Variants in SNAP47 observed in about 807,000 individuals in gnomAD.
SNAP47 encodes the protein synaptosome associated protein 47, also known as synaptosomal-associated protein 47.
A neutral mutation model predicts 31.4 loss-of-function variants in SNAP47; 20 were observed. The ratio of observed to expected loss-of-function variants is 0.64; its 90% CI spans 0.45 to 0.93. SNAP47 has a LOEUF of 0.93. Ranked by LOEUF, SNAP47 falls within the 40% of genes least tolerant of loss-of-function variation. SNAP47 has a pLI of 0.00. For missense variants in SNAP47, 492 were observed against 528.5 expected (o/e 0.93, Z 0.68); for synonymous variants, 194 against 213.4 (o/e 0.91, Z 0.79).
At chr1:227,738,169 G>A (rs749704367) in intron 1 of SNAP47, among the ~76,000 whole-genome samples, 1 of 152,122 alleles carries the variant, frequency 6.6e-6, no homozygotes, top group Non-Finnish European at 1.5e-5. Flanking sequence ...AGCCTCCTGA[G>A]TAGCGAAGAT....
chr1:227,775,668 C>G (rs1446482492), intron 4 of SNAP47: 2 of 1,016,042 alleles, frequency 2.0e-6, no homozygotes, highest in Non-Finnish European at 2.7e-6. Context: ...CATGGACACA[C>G]AGCTGCTTTG....
At chr1:227,753,018 G>T (rs1359822322) in intron 2 of SNAP47, among the ~76,000 whole-genome samples, 1 of 152,186 alleles carries the variant, frequency 6.6e-6, no homozygotes, top group African/African-American at 2.4e-5. Context: ...TTTTATTTCT[G>T]TTGAAGGTCC....
At chr1:227,779,906 A>T (rs1664365210) in intron 4 of SNAP47, among the ~76,000 whole-genome samples, 1 of 152,098 alleles carries the variant, frequency 6.6e-6, no homozygotes, top group South Asian at 2.1e-4. Context: ...CACCTTCTGC[A>T]TCTGCTGGGC....
chr1:227,760,798 C>T (rs771764646), intron 3 of SNAP47, among the ~76,000 whole-genome samples: 1 of 152,218 alleles, frequency 6.6e-6, no homozygotes, highest in African/African-American at 2.4e-5. Flanking sequence ...CAGATGTGCA[C>T]GACTTTCCTA....
chr1:227,731,487 G>A (rs529381784), upstream of SNAP47: 1 of 152,180 alleles, frequency 6.6e-6, no homozygotes, highest in African/African-American at 2.4e-5. Flanking sequence ...ACAGGGCTGG[G>A]AGAGTGCCAG....
At chr1:227,734,540 C>A, upstream of SNAP47, 5 of 974,240 alleles carry the variant, frequency 5.1e-6, no homozygotes, top group Non-Finnish European at 7.8e-6. Flanking sequence ...AAGTGCCTCA[C>A]GGGGAAAAAT....
upstream of SNAP47, chr1:227,730,912 C>T (rs1246760061): frequency 6.6e-6 from 1 of 152,346 alleles, no homozygotes; most frequent in Non-Finnish European, 1.5e-5. Flanking sequence ...TCAGGTGTGC[C>T]TGTGTGGCAG....
upstream of SNAP47, chr1:227,732,766 A>T: frequency 6.3e-7 from 1 of 1,590,214 alleles, no homozygotes; most frequent in Non-Finnish European, 8.6e-7. Context: ...CCAAGGACGA[A>T]GAAGGGACCA....
chr1:227,747,420 G>A (rs1345488828), intron 1 of SNAP47, among the ~76,000 whole-genome samples: 2 of 152,178 alleles, frequency 1.3e-5, no homozygotes, highest in Admixed American at 6.5e-5. Context: ...TGGTGAGGGG[G>A]ATGACAGTGT....
intron 1 of SNAP47, among the ~76,000 whole-genome samples, chr1:227,738,616 CAATT>C (rs1397088451): frequency 1.3e-5 from 2 of 152,124 alleles, no homozygotes; most frequent in African/African-American, 4.8e-5. Flanking sequence ...TCAATATTGA[CAATT>C]AATTGACCTT....
chr1:227,750,890 T>C (rs1662304550), intron 2 of SNAP47, among the ~76,000 whole-genome samples: 2 of 152,166 alleles, frequency 1.3e-5, no homozygotes, highest in South Asian at 4.1e-4. Flanking sequence ...CAGCGTTGGG[T>C]GCACCCAGAG....
At chr1:227,773,962 T>G (rs1663997219) in intron 4 of SNAP47, among the ~76,000 whole-genome samples, 1 of 152,270 alleles carries the variant, frequency 6.6e-6, no homozygotes, top group African/African-American at 2.4e-5. Context: ...CTAATTTCCC[T>G]TCCATCACCT....
At chr1:227,777,692 G>A (rs6679352) in intron 4 of SNAP47, among the ~76,000 whole-genome samples, 12,197 of 152,076 alleles carry the variant, frequency 0.08, 883 homozygotes, top group East Asian at 0.39. Flanking sequence ...TGAACATCTG[G>A]GTCAGGGTTA....
At chr1:227,732,226 G>C, upstream of SNAP47, 1 of 750,390 alleles carries the variant, frequency 1.3e-6, no homozygotes, top group South Asian at 1.8e-5. Flanking sequence ...ACCTCATTGG[G>C]CCTCACCTGA....
At chr1:227,732,438 A>G, upstream of SNAP47, 1 of 1,613,230 alleles carries the variant, frequency 6.2e-7, no homozygotes, top group African/African-American at 1.3e-5. Flanking sequence ...CTGCTGCAGC[A>G]GCTCTTTGGG....
At chr1:227,766,673 CAAATCTTCAGCCTTTCTCAA>C (rs1663423057) in intron 3 of SNAP47, among the ~76,000 whole-genome samples, 1 of 152,188 alleles carries the variant, frequency 6.6e-6, no homozygotes, top group Non-Finnish European at 1.5e-5. Context: ...TTTTTTACTC[CAAATCTTCAGCCTTTCTCAA>C]AAATAAAATA....
At chr1:227,755,995 T>C (rs1301063415) in intron 2 of SNAP47, among the ~76,000 whole-genome samples, 2 of 152,262 alleles carry the variant, frequency 1.3e-5, no homozygotes, top group African/African-American at 2.4e-5. Flanking sequence ...TGCTTTGCGT[T>C]GTCCTGTCTT....
chr1:227,734,918 A>G, upstream of SNAP47: 1 of 1,532,972 alleles, frequency 6.5e-7, no homozygotes, highest in Admixed American at 1.9e-5. Context: ...GGCCTCCCTC[A>G]CCCTCCCTGG....
chr1:227,734,004 G>A (rs761359886), upstream of SNAP47: 9 of 1,613,646 alleles, frequency 5.6e-6, no homozygotes, highest in Admixed American at 1.2e-4. Flanking sequence ...TACACAGGCA[G>A]GGTGAAAACG....
Sources: allele counts gnomAD v4.1 joint callset (sites outside exome capture counted in the v4.1 genomes callset), GRCh38; gene constraint gnomAD v4.1.1; transcripts MANE v1.5; gene names NCBI Gene and HGNC (gene_info 2026-07-23, HGNC 2026-07-21).